Variants in CCDC201 observed in about 807,000 individuals in gnomAD.
CCDC201 encodes the protein coiled-coil domain-containing protein 201.
exon 3 of CCDC201, chr7:45,861,723 T>G (rs923317786): frequency 6.6e-6 from 1 of 152,092 alleles, no homozygotes; most frequent in African/African-American, 2.4e-5. Context: ...TCTGAGCCTA[T>G]GTTTTAAGCC....
the CCDC201 span, among the ~76,000 whole-genome samples, chr7:45,883,880 G>A: frequency 6.6e-6 from 1 of 152,086 alleles, no homozygotes; most frequent in Non-Finnish European, 1.5e-5. Flanking sequence ...TGGGTGTCTG[G>A]TTGGTGCTCA....
chr7:45,867,739 C>T (rs1343661753), intron 1 of CCDC201, among the ~76,000 whole-genome samples: 2 of 152,222 alleles, frequency 1.3e-5, no homozygotes, highest in Non-Finnish European at 1.5e-5. Context: ...TGGCTTGCAG[C>T]TTCTTCCCAG....
chr7:45,879,271 C>A, the CCDC201 span, among the ~76,000 whole-genome samples: 2 of 152,158 alleles, frequency 1.3e-5, no homozygotes, highest in Non-Finnish European at 1.5e-5. Flanking sequence ...TTCTTCTGAG[C>A]CCTCCAAACT....
At chr7:45,865,877 G>A (rs1156949619) in intron 2 of CCDC201, among the ~76,000 whole-genome samples, 159 bp downstream of exon 2, 1 of 152,174 alleles carries the variant, frequency 6.6e-6, no homozygotes, top group Non-Finnish European at 1.5e-5. Context: ...GCAGAGTAAG[G>A]GTGTGTTGGC....
chr7:45,877,109 T>C (rs1223548994), upstream of CCDC201, among the ~76,000 whole-genome samples: 1 of 152,338 alleles, frequency 6.6e-6, no homozygotes, highest in East Asian at 1.9e-4. Flanking sequence ...CACTGGGTCT[T>C]GTGATAAGGT....
At chr7:45,863,698 T>C (rs1786630237) in intron 2 of CCDC201, among the ~76,000 whole-genome samples, 1 of 152,068 alleles carries the variant, frequency 6.6e-6, no homozygotes, top group East Asian at 1.9e-4. Context: ...GACTGGAACC[T>C]GGGGATTTTG....
chr7:45,876,082 G>T (rs1053037836), upstream of CCDC201, among the ~76,000 whole-genome samples: 1 of 152,170 alleles, frequency 6.6e-6, no homozygotes, highest in African/African-American at 2.4e-5. Context: ...ATGCTGGGGA[G>T]TCAAGAGGAC....
the CCDC201 span, among the ~76,000 whole-genome samples, chr7:45,883,478 G>A: frequency 6.6e-6 from 1 of 152,104 alleles, no homozygotes; most frequent in South Asian, 2.1e-4. Context: ...ACAGTGCCAT[G>A]AAGATATAAC....
chr7:45,867,213 T>G (rs1235034437), intron 1 of CCDC201, among the ~76,000 whole-genome samples: 4 of 152,242 alleles, frequency 2.6e-5, no homozygotes, highest in Non-Finnish European at 4.4e-5. Flanking sequence ...GTTGTCCAAT[T>G]GCTTTGTAAT....
the CCDC201 span, among the ~76,000 whole-genome samples, chr7:45,880,611 G>T: frequency 6.6e-6 from 1 of 152,224 alleles, no homozygotes; most frequent in Non-Finnish European, 1.5e-5. Flanking sequence ...GGTACCCCAC[G>T]TGATGGGCAC....
At chr7:45,868,690 A>G (rs1450299637) in intron 1 of CCDC201, among the ~76,000 whole-genome samples, 1 of 152,014 alleles carries the variant, frequency 6.6e-6, no homozygotes, top group Non-Finnish European at 1.5e-5. Flanking sequence ...CAAAGCCAGC[A>G]CTCTGACATG....
At chr7:45,875,741 G>A (rs193010288), upstream of CCDC201, among the ~76,000 whole-genome samples, 83 of 151,792 alleles carry the variant, frequency 5.5e-4, no homozygotes, top group African/African-American at 1.9e-3. Flanking sequence ...GCTTGGTCCC[G>A]GTTCCCAGTT....
intron 1 of CCDC201, among the ~76,000 whole-genome samples, chr7:45,868,991 G>T (rs1786712110): frequency 6.6e-6 from 1 of 152,092 alleles, no homozygotes; most frequent in African/African-American, 2.4e-5. Context: ...ATATATAAAG[G>T]AAAAAACTTA....
chr7:45,872,424 A>G (rs781024757), intron 1 of CCDC201, among the ~76,000 whole-genome samples: 3 of 152,210 alleles, frequency 2.0e-5, no homozygotes, highest in Non-Finnish European at 4.4e-5. Context: ...CATCTAGAGC[A>G]TGAGGTGTCC....
chr7:45,870,110 G>A (rs1227464764), intron 1 of CCDC201, among the ~76,000 whole-genome samples: 1 of 152,110 alleles, frequency 6.6e-6, no homozygotes, highest in Non-Finnish European at 1.5e-5. Flanking sequence ...AGCCACCGCA[G>A]CCAGCAGTTG....
At chr7:45,868,387 T>C (rs547736806) in intron 1 of CCDC201, among the ~76,000 whole-genome samples, 67 of 152,346 alleles carry the variant, frequency 4.4e-4, no homozygotes, top group Admixed American at 1.3e-3. Flanking sequence ...CACTCCTTCA[T>C]TTCTGCAAAA....
At chr7:45,869,358 G>A (rs1165987919) in intron 1 of CCDC201, among the ~76,000 whole-genome samples, 1 of 152,216 alleles carries the variant, frequency 6.6e-6, no homozygotes, top group Non-Finnish European at 1.5e-5. Context: ...AACCCAGATG[G>A]CTTATTGGCC....
At chr7:45,875,460 G>GAACAAAATT (rs1786790693), upstream of CCDC201, among the ~76,000 whole-genome samples, 1 of 128,894 alleles carries the variant, frequency 7.8e-6, no homozygotes, top group African/African-American at 2.9e-5. Flanking sequence ...AAAAAAAAAA[G>GAACAAAATT]AACAAAATTA....
chr7:45,872,355 A>G (rs545289010), intron 1 of CCDC201, among the ~76,000 whole-genome samples: 1 of 152,168 alleles, frequency 6.6e-6, no homozygotes. Context: ...GGTGCTAAGG[A>G]CAGGTTTTAA....
Sources: allele counts gnomAD v4.1 joint callset (sites outside exome capture counted in the v4.1 genomes callset), GRCh38; gene constraint gnomAD v4.1.1; transcripts MANE v1.5; gene names NCBI Gene and HGNC (gene_info 2026-07-23, HGNC 2026-07-21).